DOCK10: variants seen among roughly 807,000 people sequenced by gnomAD.
The protein encoded by DOCK10 is dedicator of cytokinesis protein 10.
Under a neutral mutation model 280.1 loss-of-function variants are expected in DOCK10, and 145 were observed. That is an observed-to-expected ratio of 0.52 (90% confidence interval 0.45 to 0.59). The LOEUF is 0.59. Among genes scored for constraint, DOCK10 ranks in the 20% least tolerant of loss-of-function variants. The pLI is 0.00. For missense variants in DOCK10, 2,368 were observed against 2,651.7 expected (o/e 0.89, Z 2.35); for synonymous variants, 915 against 942.2 (o/e 0.97, Z 0.53).
intron 47 of DOCK10, among the ~76,000 whole-genome samples, chr2:224,791,458 G>T (rs1451159154): frequency 1.3e-5 from 2 of 149,680 alleles, no homozygotes; most frequent in Non-Finnish European, 3.0e-5. Flanking sequence ...TGGTCATTTG[G>T]TTCAAAAGTC....
chr2:225,017,491 T>G (rs1240700534), intron 1 of DOCK10, among the ~76,000 whole-genome samples: 1 of 150,334 alleles, frequency 6.7e-6, no homozygotes, highest in African/African-American at 2.4e-5. Flanking sequence ...AGAGACTGAC[T>G]GATTGATTGG....
chr2:225,037,111 G>C (rs750414721), intron 1 of DOCK10, among the ~76,000 whole-genome samples: 10 of 152,140 alleles, frequency 6.6e-5, no homozygotes, highest in Non-Finnish European at 1.3e-4. Flanking sequence ...TGTGAGAGTG[G>C]GGTAAGCAAT....
intron 1 of DOCK10, chr2:224,946,945 A>G: frequency 6.5e-7 from 1 of 1,543,010 alleles, no homozygotes; most frequent in Non-Finnish European, 8.7e-7. Context: ...TTCCCTCGAA[A>G]ACTCATCGTA....
intron 3 of DOCK10, among the ~76,000 whole-genome samples, chr2:224,904,833 C>T (rs1034367532): frequency 2.0e-5 from 3 of 152,112 alleles, no homozygotes; most frequent in Non-Finnish European, 4.4e-5. Flanking sequence ...AAACACAAAG[C>T]ATATAGAATT....
intron 1 of DOCK10, among the ~76,000 whole-genome samples, chr2:224,956,044 G>T (rs1219164115): frequency 1.3e-5 from 2 of 152,202 alleles, no homozygotes; most frequent in African/African-American, 4.8e-5. Flanking sequence ...AACACAAAAG[G>T]CAGAAACGAA....
intron 50 of DOCK10, among the ~76,000 whole-genome samples, chr2:224,785,088 C>A (rs1185999524): frequency 2.7e-5 from 4 of 147,832 alleles, no homozygotes; most frequent in Admixed American, 6.8e-5. Context: ...CGACTCATAG[C>A]ATTTTCTGCC....
At chr2:224,917,936 T>C (rs1023109630) in intron 2 of DOCK10, among the ~76,000 whole-genome samples, 4 of 152,140 alleles carry the variant, frequency 2.6e-5, no homozygotes, top group African/African-American at 7.2e-5. Flanking sequence ...ATCTCGTATA[T>C]TGCACATCCC....
At chr2:224,910,078 G>C (rs1031692028) in intron 3 of DOCK10, among the ~76,000 whole-genome samples, 1 of 152,176 alleles carries the variant, frequency 6.6e-6, no homozygotes, top group Non-Finnish European at 1.5e-5. Flanking sequence ...CTAGATTCTT[G>C]CCAATCTGTT....
At chr2:224,839,652 T>C (rs1472007194) in intron 24 of DOCK10, among the ~76,000 whole-genome samples, 1 of 152,148 alleles carries the variant, frequency 6.6e-6, no homozygotes, top group African/African-American at 2.4e-5. Flanking sequence ...ATGTTGCCAG[T>C]GGGGAAAACC....
intron 4 of DOCK10, among the ~76,000 whole-genome samples, chr2:224,894,165 T>A (rs72972665): frequency 0.059 from 8,978 of 152,320 alleles, 302 homozygotes; most frequent in South Asian, 0.085. Context: ...TAATTTTTTT[T>A]ATTTCTTCTC....
In DOCK10 at chr2:224,805,946, G is replaced by C. The variant is rs918255960; in HGVS notation, c.3814+180C>G. 1.4e-4 allele frequency among the ~76,000 whole-genome samples: 22 copies of C among 152,130 alleles called. No individual in the cohort carries two copies. The highest frequency in any genetic ancestry group is 1.4e-3 in the Admixed American group (22 of 15,260). On this transcript the variant is annotated intron_variant, in intron 34 of 55. Transcript: ENST00000258390. This position sits in a 1 kb window ranked among gnomAD's most constrained non-coding sequence, Gnocchi z 4.3. ...GTAATACTGAACACTAAGTAGAAGA[G>C]GAAGTCACTGGATGGAATTCAAAGA...
intron 1 of DOCK10, among the ~76,000 whole-genome samples, chr2:225,004,613 T>TG (rs1407865927): frequency 6.6e-6 from 1 of 152,168 alleles, no homozygotes; most frequent in Non-Finnish European, 1.5e-5. Flanking sequence ...CCTTAAGAAA[T>TG]GGGGGAGCTG....
chr2:225,029,762 G>A (rs1274431204), intron 1 of DOCK10, among the ~76,000 whole-genome samples: 1 of 152,156 alleles, frequency 6.6e-6, no homozygotes, highest in African/African-American at 2.4e-5. Context: ...CCAGCAGGTG[G>A]TAGGAATGTG....
chr2:224,892,440 A>AGAAAAGAAAAGAAAAGAAAAGAAAG (rs1699749043), intron 4 of DOCK10, among the ~76,000 whole-genome samples: 1 of 151,292 alleles, frequency 6.6e-6, no homozygotes, highest in African/African-American at 2.4e-5. Flanking sequence ...AGAAAAGAAA[A>AGAAAAGAAAAGAAAAGAAAAGAAAG]GAAAAGAAAA....
At chr2:225,029,803 C>T (rs1317822973) in intron 1 of DOCK10, among the ~76,000 whole-genome samples, 2 of 151,970 alleles carry the variant, frequency 1.3e-5, no homozygotes, top group East Asian at 3.9e-4. Flanking sequence ...TCATTATTTT[C>T]TATATTTTGA....
chr2:224,879,811 G>T (rs961459373), intron 7 of DOCK10, among the ~76,000 whole-genome samples: 3 of 151,936 alleles, frequency 2.0e-5, no homozygotes, highest in Non-Finnish European at 2.9e-5. Flanking sequence ...TAAAAGAACT[G>T]TAAATGTCCA....
intron 29 of DOCK10, among the ~76,000 whole-genome samples, chr2:224,816,971 A>G (rs1166065511): frequency 1.3e-5 from 2 of 152,194 alleles, no homozygotes; most frequent in Non-Finnish European, 2.9e-5. Flanking sequence ...CTATGAGATA[A>G]GATCCTACTG....
chr2:224,867,750 AT>A (rs1698024605), intron 11 of DOCK10, among the ~76,000 whole-genome samples: 1 of 152,216 alleles, frequency 6.6e-6, no homozygotes, highest in South Asian at 2.1e-4. Context: ...TGGGAGAGGC[AT>A]TTGAGAAACA....
intron 22 of DOCK10, among the ~76,000 whole-genome samples, chr2:224,842,709 A>G (rs1696047319): frequency 1.3e-5 from 2 of 152,116 alleles, no homozygotes; most frequent in African/African-American, 4.8e-5. Flanking sequence ...TTATTTATGG[A>G]AAGCTGACTG....
Sources: allele counts gnomAD v4.1 joint callset (sites outside exome capture counted in the v4.1 genomes callset), GRCh38; gene constraint gnomAD v4.1.1; non-coding constraint Gnocchi (gnomAD v3.1); transcripts MANE v1.5; gene names NCBI Gene and HGNC (gene_info 2026-07-23, HGNC 2026-07-21).